Variants in BTBD9 observed in about 807,000 individuals in gnomAD.
BTBD9 encodes the protein BTB domain containing 9.
BTBD9 carries 49 observed loss-of-function variants against 64.3 expected under a neutral mutation model. The ratio of observed to expected loss-of-function variants is 0.76; its 90% confidence interval spans 0.61 to 0.97. BTBD9 has a LOEUF of 0.97. Ranked by LOEUF, BTBD9 falls within the 50% of genes least tolerant of loss-of-function variation. The probability of loss-of-function intolerance (pLI) is 0.00; values close to 1 mark genes in which losing one functional copy is unlikely to be tolerated. For missense variants in BTBD9, 598 were observed against 762.1 expected, an observed-to-expected ratio of 0.78 and a Z score of 2.53; for synonymous variants, 260 against 274.7, an observed-to-expected ratio of 0.95 and a Z score of 0.53.
chr6:38,397,383 C>T (rs1308530698), intron 6 of BTBD9, among the ~76,000 whole-genome samples: 2 of 152,138 alleles, frequency 1.3e-5, no homozygotes, highest in Non-Finnish European at 2.9e-5. Context: ...AATTTAAGGA[C>T]AAACCATTGC....
intron 6 of BTBD9, among the ~76,000 whole-genome samples, chr6:38,372,093 T>C (rs1438712438): frequency 6.6e-6 from 1 of 152,162 alleles, no homozygotes; most frequent in African/African-American, 2.4e-5. Context: ...AATCACAAAA[T>C]GCACATAATT....
chr6:38,503,954 T>G (rs970673123), intron 6 of BTBD9, among the ~76,000 whole-genome samples: 1 of 152,210 alleles, frequency 6.6e-6, no homozygotes, highest in African/African-American at 2.4e-5. Context: ...TTTGCTTTAT[T>G]GTCTCCATTG....
intron 6 of BTBD9, among the ~76,000 whole-genome samples, chr6:38,562,089 A>T (rs1334486184): frequency 1.3e-5 from 2 of 152,220 alleles, no homozygotes; most frequent in Non-Finnish European, 2.9e-5. Context: ...GCAAAGATCA[A>T]ATTATGATGT....
chr6:38,241,241 A>C (rs1446377680), intron 9 of BTBD9, among the ~76,000 whole-genome samples: 2 of 152,356 alleles, frequency 1.3e-5, no homozygotes, highest in South Asian at 2.1e-4. Context: ...ATAGAGCAGT[A>C]CCAACATATG....
chr6:38,383,811 T>C (rs1766041765), intron 6 of BTBD9, among the ~76,000 whole-genome samples: 1 of 152,208 alleles, frequency 6.6e-6, no homozygotes, highest in African/African-American at 2.4e-5. Flanking sequence ...GATTGAATGT[T>C]TGCGTCCACC....
chr6:38,195,255 C>T (rs1762236735), intron 9 of BTBD9, among the ~76,000 whole-genome samples: 1 of 152,156 alleles, frequency 6.6e-6, no homozygotes, highest in African/African-American at 2.4e-5. Context: ...TTTCACAGGG[C>T]CAGAAAACCA....
intron 7 of BTBD9, among the ~76,000 whole-genome samples, chr6:38,317,450 G>T (rs1280701292): frequency 2.0e-5 from 3 of 152,004 alleles, no homozygotes; most frequent in Non-Finnish European, 4.4e-5. Flanking sequence ...TAACCTTTGG[G>T]AATTTGATTA....
intron 6 of BTBD9, among the ~76,000 whole-genome samples, chr6:38,480,154 C>T (rs990065939): frequency 6.6e-6 from 1 of 152,196 alleles, no homozygotes; most frequent in African/African-American, 2.4e-5. Flanking sequence ...GGAGAGTGTA[C>T]TCTTTGGAAA....
intron 8 of BTBD9, among the ~76,000 whole-genome samples, chr6:38,269,277 T>C (rs900700152): frequency 2.0e-5 from 3 of 152,056 alleles, no homozygotes; most frequent in African/African-American, 7.2e-5. Context: ...CAAAAGATAA[T>C]TAATCAATTT....
intron 6 of BTBD9, among the ~76,000 whole-genome samples, chr6:38,486,405 A>G (rs1771425333): frequency 6.6e-6 from 1 of 152,216 alleles, no homozygotes; most frequent in Non-Finnish European, 1.5e-5. Flanking sequence ...TGCCTTCTTC[A>G]CTAAGCTTAA....
chr6:38,597,933 T>C lies in BTBD9; in HGVS notation c.162A>G (p.Leu54=). 1 of 1,613,858 alleles carries C rather than the reference T, an allele frequency of 6.2e-7. No individual in the cohort carries two copies. The highest frequency in any genetic ancestry group is 8.5e-7 in the Non-Finnish European group (1 of 1,179,840). Residue 54 remains leucine, a synonymous_variant, in exon 2 of 11, where the codon TTA becomes TTG. Transcript: ENST00000481247. ...KKRFPAHRVI[L]AARCQYFRAL... is the part of the protein sequence containing the mutation. ...ACCGAAAATATTGGCACCTGGCTGC[T>C]AAAATTACCCTGTGGGCAGGAAAAC...
chr6:38,215,181 G>A (rs1417694832), intron 9 of BTBD9, among the ~76,000 whole-genome samples: 2 of 152,124 alleles, frequency 1.3e-5, no homozygotes, highest in East Asian at 1.9e-4. Flanking sequence ...AGCAGTGAAC[G>A]TGTGCAATAA....
At chr6:38,243,841 T>C (rs1361971693) in intron 9 of BTBD9, among the ~76,000 whole-genome samples, 1 of 152,188 alleles carries the variant, frequency 6.6e-6, no homozygotes, top group Admixed American at 6.5e-5. Context: ...TGATTCTGTG[T>C]GCATGCTGGA....
At chr6:38,321,890 T>A (rs1763248903) in intron 7 of BTBD9, among the ~76,000 whole-genome samples, 2 of 151,746 alleles carry the variant, frequency 1.3e-5, no homozygotes, top group Non-Finnish European at 2.9e-5. Flanking sequence ...AGAGAAACAG[T>A]TTTTTTCAAA....
At chr6:38,594,381 A>C in intron 2 of BTBD9, 54 bp from the exon 3 acceptor site, 1 of 1,507,828 alleles carries the variant, frequency 6.6e-7, no homozygotes, top group Non-Finnish European at 8.9e-7. Flanking sequence ...ATTTGCTACA[A>C]AATATTGGAA....
intron 4 of BTBD9, among the ~76,000 whole-genome samples, chr6:38,586,386 G>C (rs1428453020): frequency 6.6e-6 from 1 of 151,048 alleles, no homozygotes; most frequent in Non-Finnish European, 1.5e-5. Context: ...TCACAGATAA[G>C]TTTAAAACAC....
chr6:38,529,409 T>C (rs771026896), intron 6 of BTBD9, among the ~76,000 whole-genome samples: 3 of 152,290 alleles, frequency 2.0e-5, no homozygotes, highest in Admixed American at 6.5e-5. Flanking sequence ...AAAGCAGATA[T>C]AGCTGCAGTG....
At chr6:38,586,701 T>C (rs985934281) in intron 4 of BTBD9, among the ~76,000 whole-genome samples, 11 of 152,216 alleles carry the variant, frequency 7.2e-5, no homozygotes, top group African/African-American at 2.7e-4. Context: ...CTTCTGAAAT[T>C]TTATATCCTT....
intron 6 of BTBD9, among the ~76,000 whole-genome samples, chr6:38,486,887 G>A (rs1281121669): frequency 6.6e-6 from 1 of 152,134 alleles, no homozygotes; most frequent in Non-Finnish European, 1.5e-5. Flanking sequence ...AACAAAAAGG[G>A]GTATGCTTGT....
Sources: allele counts gnomAD v4.1 joint callset (sites outside exome capture counted in the v4.1 genomes callset), GRCh38; gene constraint gnomAD v4.1.1; transcripts MANE v1.5; gene names NCBI Gene and HGNC (gene_info 2026-07-23, HGNC 2026-07-21).